STAG2: variants seen among roughly 807,000 people sequenced by gnomAD.
The protein encoded by STAG2 is cohesin subunit SA-2.
STAG2 carries 14 observed loss-of-function variants against 108.1 expected under a neutral mutation model. That is an observed-to-expected ratio of 0.13 (90% confidence interval 0.09 to 0.20). The LOEUF is 0.20. STAG2 is among the 10% of genes least tolerant of loss of function. The pLI is 1.00. For synonymous variants in STAG2, 307 were observed against 302.7 expected, an observed-to-expected ratio of 1.01 and a Z score of -0.15; for missense variants, 440 against 940.9, an observed-to-expected ratio of 0.47 and a Z score of 6.96.
At chrX:123,964,075 T>C (rs1435683225) in intron 1 of STAG2, among the ~76,000 whole-genome samples, 1 of 111,629 alleles carries the variant, frequency 9.0e-6, no homozygotes, top group African/African-American at 3.3e-5. Flanking sequence ...CTCTCTACTT[T>C]TGTGCGTGCT....
At chrX:123,995,765 G>T (rs1000027383) in intron 1 of STAG2, among the ~76,000 whole-genome samples, 26 of 112,128 alleles carry the variant, frequency 2.3e-4, no homozygotes, top group African/African-American at 8.1e-4. Flanking sequence ...AATATGAATG[G>T]CGCTTAAATA....
intron 1 of STAG2, among the ~76,000 whole-genome samples, chrX:123,992,997 A>G (rs1484141205): frequency 2.7e-5 from 3 of 111,694 alleles, no homozygotes; most frequent in Non-Finnish European, 3.8e-5. Flanking sequence ...TTATTAATAG[A>G]AAAAGCAGGT....
intron 1 of STAG2, among the ~76,000 whole-genome samples, chrX:124,018,796 T>C (rs2056823472): frequency 9.0e-6 from 1 of 111,033 alleles, no homozygotes; most frequent in Non-Finnish European, 1.9e-5. Flanking sequence ...CCATCATGCA[T>C]GGCCTGCAAA....
intron 5 of STAG2, among the ~76,000 whole-genome samples, chrX:124,035,871 G>A (rs1191024684): frequency 8.9e-6 from 1 of 111,850 alleles, no homozygotes; most frequent in African/African-American, 3.3e-5. Context: ...GGCATTCTGT[G>A]ACCTAATTTT....
Position 124,025,911 on chromosome X carries a change from A to C in STAG2, c.116A>C (p.Lys39Thr). 1 of 1,171,793 alleles carries C rather than the reference A, an allele frequency of 8.5e-7. No homozygotes were observed. Among genetic ancestry groups the C allele is most frequent in the Non-Finnish European group, 1.2e-6 (1 of 866,468 alleles). The change falls in exon 4 of 35, where the codon AAA (lysine) becomes ACA (threonine). Residue 39 changes from lysine (K) to threonine (T), a missense_variant. Lys to Thr is a moderately conservative substitution (Grantham distance 78). Coordinates refer to ENST00000371145, the MANE Select transcript of STAG2 (RefSeq NM_001042750.2). Reference sequence around the variant, plus strand: ...GAAGGAAAAAACCAAAAGCAAGGCAAAGGCAAAGTATGTATCAAATATTTG... The same window carrying C: ...GAAGGAAAAAACCAAAAGCAAGGCACAGGCAAAGTATGTATCAAATATTTG... ...DIEGKNQKQG[K>T]GKTCKKGKKG...
chrX:124,056,567 A>G (rs1172606878), intron 14 of STAG2, among the ~76,000 whole-genome samples: 3 of 107,578 alleles, frequency 2.8e-5, no homozygotes, highest in Non-Finnish European at 5.8e-5. Flanking sequence ...CCCCGTCTCT[A>G]CTAAAAATAC....
chrX:124,001,453 G>A (rs991928306), intron 1 of STAG2, among the ~76,000 whole-genome samples: 1 of 111,454 alleles, frequency 9.0e-6, no homozygotes, highest in African/African-American at 3.3e-5. Flanking sequence ...GTGTACAATA[G>A]TGTCTAGTAA....
chrX:124,081,254 G>A, intron 27 of STAG2, 126 bp from the exon 28 acceptor site: 1 of 435,704 alleles, frequency 2.3e-6, no homozygotes, highest in Non-Finnish European at 3.7e-6. Context: ...ATGTTTTAGT[G>A]TTTTGCAATA....
chrX:124,013,816 G>A (rs911322698), intron 1 of STAG2, among the ~76,000 whole-genome samples: 7 of 111,130 alleles, frequency 6.3e-5, no homozygotes, highest in African/African-American at 2.3e-4. Context: ...CATGTCAGAC[G>A]GGGTAGGATC....
At chrX:124,008,200 T>C (rs983705028) in intron 1 of STAG2, among the ~76,000 whole-genome samples, 1 of 109,245 alleles carries the variant, frequency 9.2e-6, no homozygotes, top group Non-Finnish European at 1.9e-5. Context: ...TTTATTATTA[T>C]TATTAATTTT....
intron 1 of STAG2, among the ~76,000 whole-genome samples, chrX:124,006,705 T>C (rs988504713): frequency 2.5e-4 from 28 of 110,920 alleles, no homozygotes; most frequent in African/African-American, 4.6e-4. Context: ...TCCCAAAGTG[T>C]TGGGATTACA....
In STAG2 at chrX:124,006,583, T is replaced by G. The variant is rs914071823; in HGVS notation, c.-162-14784T>G. On this transcript the variant is annotated intron_variant, in intron 1 of 34. Transcript: ENST00000371145. ...CCTCCCGAGTAGCTGGGACTACAGG[T>G]GCCCACCACCACGCCCGGCTAATTT... 8.5e-4 allele frequency among the ~76,000 whole-genome samples: 93 copies of G among 109,076 alleles called. 2 individuals are homozygous for G. The highest frequency in any genetic ancestry group is 2.9e-3 in the African/African-American group (86 of 29,938). 94.7% of individuals were successfully genotyped at this position (109,076 alleles called of 115,157 possible).
chrX:124,025,282 G>A (rs1009846387), intron 3 of STAG2, among the ~76,000 whole-genome samples: 4 of 111,792 alleles, frequency 3.6e-5, no homozygotes, highest in African/African-American at 1.3e-4. Context: ...TGATCACTTA[G>A]CATAATTCCC....
At position 124,006,298 on chromosome X, in the gene STAG2, G is replaced by A. The variant is rs540973217; in HGVS notation, c.-162-15069G>A. Among the ~76,000 whole-genome samples the A allele has an allele frequency of 4.0e-4, 45 of 111,324 alleles. 1 individual carries two copies. The South Asian group carries it at 0.016, about 39-fold the overall frequency. ...ATAAATGCTCAGGTGTAAGGTTACT[G>A]GTGGTTATGGTAAGTGCATGTATGG... On this transcript the variant is annotated intron_variant, in intron 1 of 34. Coordinates refer to ENST00000371145, the MANE Select transcript of STAG2 (RefSeq NM_001042750.2).
chrX:124,070,636 G>T (rs5911744), intron 24 of STAG2, among the ~76,000 whole-genome samples: 44,579 of 111,034 alleles, frequency 0.4, 7,658 homozygotes, highest in Non-Finnish European at 0.54. Flanking sequence ...ATCAGTACAC[G>T]TGTGAACAAT....
At chrX:123,983,075 ATTTC>A (rs931648431) in intron 1 of STAG2, among the ~76,000 whole-genome samples, 2 of 110,862 alleles carry the variant, frequency 1.8e-5, no homozygotes, top group African/African-American at 3.3e-5. Context: ...AGTTCCTCAG[ATTTC>A]TTTAATTTGC....
chrX:124,069,940 T>C (rs2058626406), intron 24 of STAG2, among the ~76,000 whole-genome samples: 1 of 111,800 alleles, frequency 8.9e-6, no homozygotes, highest in African/African-American at 3.2e-5. Context: ...GCACGAAATA[T>C]TACTTTATAA....
At chrX:123,987,400 C>T (rs1254747972) in intron 1 of STAG2, among the ~76,000 whole-genome samples, 1 of 111,084 alleles carries the variant, frequency 9.0e-6, no homozygotes, top group Non-Finnish European at 1.9e-5. Flanking sequence ...AGGCATGCAC[C>T]ACCATGCCCG....
At position 124,062,206 on chromosome X, in the gene STAG2, G is replaced by A. The variant is rs183133766; in HGVS notation, c.1638+332G>A. Among the ~76,000 whole-genome samples the A allele has an allele frequency of 3.5e-3, 394 of 111,537 alleles. 1 individual carries two copies. Among genetic ancestry groups the A allele is most frequent in the African/African-American group, 0.012 (365 of 30,830 alleles). ...CTAAAATAAAATCAGAAATAAAAAT[G>A]GAGATAATTTTTTATTAAAATAGGG... On this transcript the variant is annotated intron_variant, in intron 17 of 34. Transcript: ENST00000371145.
Sources: gnomAD v4.1 joint callset for allele counts (sites outside exome capture counted in the v4.1 genomes callset) on GRCh38, gnomAD v4.1.1 for gene constraint, MANE v1.5 for transcripts, NCBI Gene and HGNC (gene_info 2026-07-23, HGNC 2026-07-21) for gene names.